The following IL3RA variants were observed in gnomAD, a reference collection of about 807,000 sequenced individuals.
IL3RA encodes interleukin-3 receptor subunit alpha.
In IL3RA, 73 loss-of-function variants were observed where a neutral mutation model predicts 52.3. The ratio of observed to expected loss-of-function variants is 1.40; its 90% CI spans 1.16 to 1.70. The LOEUF (loss-of-function observed/expected upper bound fraction) is 1.70. Ranked by LOEUF, IL3RA falls within the 40% of genes most tolerant of loss-of-function variation. The probability of loss-of-function intolerance (pLI) is 0.00; values close to 1 mark genes in which losing one functional copy is unlikely to be tolerated. For synonymous variants in IL3RA, 260 were observed against 194.0 expected (o/e 1.34, Z -2.83); for missense variants, 664 against 504.4 (o/e 1.32, Z -3.03).
At position 1,378,648 on chromosome X, in the gene IL3RA, T is replaced by C; in HGVS notation, c.875-11T>C. 6.2e-7 allele frequency: 1 copy of C among 1,610,700 alleles called. No homozygotes were observed. Among genetic ancestry groups the C allele is most frequent in the South Asian group, 1.1e-5 (1 of 90,908 alleles). The stretch of plus-strand genomic sequence containing the variant: ...CCCCCGGTCTGTGACCCTCTCACCC[T>C]TTACCCCTAGAGTGCGACCAGGAGG... On this transcript the variant is annotated splice_polypyrimidine_tract_variant and intron_variant, in intron 9 of 11. Transcript: ENST00000331035.
chrX:1,358,990 TA>T lies in IL3RA; in HGVS notation c.759+107del, dbSNP rs1379126381. The T allele has an allele frequency of 3.7e-6, 3 of 816,404 alleles. No homozygotes were observed. In the African/African-American group the frequency reaches 5.5e-5, roughly 15 times the overall value. The allele number at this position is 816,404 out of a possible 1,614,324, so 50.6% of individuals were successfully genotyped here. On this transcript the variant is annotated intron_variant, in intron 8 of 11. Coordinates refer to ENST00000331035, the MANE Select transcript of IL3RA (RefSeq NM_002183.4). The stretch of plus-strand genomic sequence containing the variant: ...AAAAAATATTAATAATTCTTATTAA[TA>T]AAATAATGAAAATATTATTAATAAT...
intron 9 of IL3RA, among the ~76,000 whole-genome samples, chrX:1,377,535 G>A (rs1335508507): frequency 1.3e-5 from 2 of 152,074 alleles, no homozygotes; most frequent in South Asian, 2.1e-4. Context: ...GAGCCACCGC[G>A]CCCGGCCAAA....
At chrX:1,382,316 G>A in intron 11 of IL3RA, 75 bp from the exon 12 acceptor site, 1 of 856,864 alleles carries the variant, frequency 1.2e-6, no homozygotes, top group Admixed American at 2.8e-5. Flanking sequence ...GATGGGACAG[G>A]CCCCCGCAGA....
chrX:1,366,296 A>C (rs1211642003), intron 9 of IL3RA, among the ~76,000 whole-genome samples: 2 of 58,344 alleles, frequency 3.4e-5, no homozygotes, highest in Non-Finnish European at 3.2e-5. Flanking sequence ...GCGCGGGGTG[A>C]GCGGGGTGCG....
intron 8 of IL3RA, 95 bp downstream of exon 8, chrX:1,358,982 C>G: frequency 1.2e-6 from 1 of 823,992 alleles, no homozygotes; most frequent in Non-Finnish European, 1.7e-6. Flanking sequence ...ATTAATAATT[C>G]TTATTAATAA....
intron 2 of IL3RA, among the ~76,000 whole-genome samples, chrX:1,344,056 A>T (rs1472438228): frequency 1.3e-5 from 2 of 151,844 alleles, no homozygotes; most frequent in Admixed American, 6.6e-5. Context: ...GGCCTCCCAA[A>T]GTGCTGGGAT....
intron 6 of IL3RA, 82 bp downstream of exon 6, chrX:1,352,588 C>T (rs1408551545): frequency 4.3e-6 from 6 of 1,407,942 alleles, no homozygotes; most frequent in Admixed American, 2.1e-5. Flanking sequence ...CACGGGACCA[C>T]GTGGCTCCCA....
chrX:1,377,859 C>T (rs1459839507), intron 9 of IL3RA, among the ~76,000 whole-genome samples: 3 of 135,410 alleles, frequency 2.2e-5, no homozygotes, highest in Non-Finnish European at 3.1e-5. Context: ...CACTGCAGAG[C>T]GAGACTCTGT....
intron 1 of IL3RA, among the ~76,000 whole-genome samples, chrX:1,338,263 A>C (rs2085377325): frequency 1.3e-5 from 2 of 151,462 alleles, no homozygotes; most frequent in Admixed American, 1.3e-4. Context: ...GAATGGAAAA[A>C]TATAATGTCC....
chrX:1,339,685 G>C (rs1250373260), intron 1 of IL3RA, among the ~76,000 whole-genome samples: 1 of 152,074 alleles, frequency 6.6e-6, no homozygotes, highest in Non-Finnish European at 1.5e-5. Flanking sequence ...CCATCTACTG[G>C]GGAGGCTGAG....
intron 7 of IL3RA, among the ~76,000 whole-genome samples, chrX:1,356,708 G>C (rs1437010285): frequency 2.4e-4 from 36 of 151,564 alleles, no homozygotes; most frequent in Non-Finnish European, 4.4e-4. Context: ...GGAGGTGGGG[G>C]TTGCAGTGAG....
chrX:1,353,690 G>A (rs1363770448), intron 6 of IL3RA, among the ~76,000 whole-genome samples: 4 of 100,698 alleles, frequency 4.0e-5, no homozygotes, highest in East Asian at 2.6e-4. Context: ...GTTCCATCAC[G>A]GGTCATGGGA....
intron 2 of IL3RA, among the ~76,000 whole-genome samples, chrX:1,344,030 G>C (rs2085616142): frequency 6.6e-6 from 1 of 151,988 alleles, no homozygotes; most frequent in Admixed American, 6.6e-5. Flanking sequence ...ACTTGACCTG[G>C]TGATCCGCCC....
intron 8 of IL3RA, among the ~76,000 whole-genome samples, chrX:1,361,118 T>C (rs2087289361): frequency 1.5e-5 from 2 of 130,704 alleles, no homozygotes; most frequent in Non-Finnish European, 3.2e-5. Context: ...CCCCTCTCTG[T>C]CTCTCTCTCC....
At chrX:1,365,528 CGGGGTGAGCGGGGTGCGCGGGGTGAG>C in intron 9 of IL3RA, among the ~76,000 whole-genome samples, 1 of 33,850 alleles carries the variant, frequency 3.0e-5, no homozygotes, top group South Asian at 1.7e-3. Flanking sequence ...GCGGGGTGAG[CGGGGTGAGCGGGGTGCGCGGGGTGAG>C]CCGGGTGCGC....
At chrX:1,339,618 A>C (rs1389697860) in intron 1 of IL3RA, among the ~76,000 whole-genome samples, 7 of 152,034 alleles carry the variant, frequency 4.6e-5, no homozygotes, top group Middle Eastern at 3.2e-3. Context: ...ATGGTGAAAC[A>C]CCATCTCTAC....
At chrX:1,378,590 G>T in intron 9 of IL3RA, 69 bp from the exon 10 acceptor site, 2 of 1,362,066 alleles carry the variant, frequency 1.5e-6, no homozygotes, top group Non-Finnish European at 1.0e-6. Flanking sequence ...GGGCCCCGGG[G>T]AGAGCTTACA....
chrX:1,348,122 G>A (rs1393488524), intron 3 of IL3RA, among the ~76,000 whole-genome samples: 4 of 151,066 alleles, frequency 2.6e-5, no homozygotes, highest in South Asian at 2.1e-4. Context: ...TGAGGCAGGC[G>A]GATCACATGA....
intron 4 of IL3RA, among the ~76,000 whole-genome samples, chrX:1,349,452 G>T (rs1335555240): frequency 2.0e-5 from 3 of 150,786 alleles, no homozygotes; most frequent in South Asian, 4.2e-4. Context: ...AGTGCTGGGA[G>T]TACAGGGGTG....
Sources: allele counts gnomAD v4.1 joint callset (sites outside exome capture counted in the v4.1 genomes callset), GRCh38; gene constraint gnomAD v4.1.1; transcripts MANE v1.5; gene names NCBI Gene and HGNC (gene_info 2026-07-23, HGNC 2026-07-21).